CHODL: variants seen among roughly 807,000 people sequenced by gnomAD.
CHODL encodes transmembrane protein MT75.
CHODL carries 29 observed loss-of-function variants against 34.5 expected under a neutral mutation model. The ratio of observed to expected loss-of-function variants is 0.84; its 90% confidence interval spans 0.63 to 1.15. The LOEUF (loss-of-function observed/expected upper bound fraction) is 1.15. CHODL is among the 50% of genes most tolerant of loss of function. The pLI, the probability that CHODL is intolerant of heterozygous loss-of-function variation, is 0.00. For synonymous variants in CHODL, 125 were observed against 116.1 expected (o/e 1.08, Z -0.49); for missense variants, 332 against 332.5 (o/e 1.00, Z 0.01).
chr21:18,148,961 G>C (rs1013525031), intron 2 of CHODL, among the ~76,000 whole-genome samples: 1 of 151,032 alleles, frequency 6.6e-6, no homozygotes, highest in African/African-American at 2.4e-5. Flanking sequence ...TACCAGTTTG[G>C]CTGTTTTGCC....
chr21:17,950,230 A>T (rs570958423), intron 1 of CHODL, among the ~76,000 whole-genome samples: 3 of 152,220 alleles, frequency 2.0e-5, no homozygotes, highest in Admixed American at 2.0e-4. Flanking sequence ...AAGGAAAAGC[A>T]GACTTGTTAA....
At chr21:18,152,669 C>G (rs1345422520) in intron 2 of CHODL, among the ~76,000 whole-genome samples, 1 of 152,172 alleles carries the variant, frequency 6.6e-6, no homozygotes, top group Non-Finnish European at 1.5e-5. Flanking sequence ...AATCCAACTC[C>G]AGTTTGCTAA....
chr21:17,983,945 G>A (rs1568830017), intron 1 of CHODL, among the ~76,000 whole-genome samples: 1 of 152,008 alleles, frequency 6.6e-6, no homozygotes, highest in East Asian at 1.9e-4. Flanking sequence ...CTTAACAGGA[G>A]TTTTACCGTC....
intron 2 of CHODL, among the ~76,000 whole-genome samples, chr21:18,118,140 C>T (rs754487920): frequency 1.3e-5 from 2 of 152,116 alleles, no homozygotes; most frequent in Non-Finnish European, 2.9e-5. Context: ...TCAGATTTAA[C>T]TGGTTTTTTA....
chr21:18,094,415 C>A (rs1003205068), intron 2 of CHODL, among the ~76,000 whole-genome samples: 1 of 152,148 alleles, frequency 6.6e-6, no homozygotes, highest in African/African-American at 2.4e-5. Flanking sequence ...AATACACATT[C>A]TTCTCCTCAG....
chr21:18,079,470 C>CAT (rs915257826), intron 2 of CHODL, among the ~76,000 whole-genome samples: 10 of 147,190 alleles, frequency 6.8e-5, no homozygotes, highest in Non-Finnish European at 1.3e-4. Flanking sequence ...ATATATATCA[C>CAT]ATATATATAC....
rs1199197365 is a variant in CHODL, at chr21:18,245,007, G to A, written c.-217G>A. On this transcript the variant is annotated 5_prime_UTR_variant, in exon 1 of 6. Transcript: ENST00000299295. ...CCCAAACGCGCACCCTCGAAGTCTT[G>A]AACTCCAGCCCCGCACATCCACGCG... The A allele has an allele frequency of 6.4e-6, 3 of 467,930 alleles. No homozygotes were observed. Among genetic ancestry groups the A allele is most frequent in the Admixed American group, 8.9e-5 (2 of 22,412 alleles). The allele number at this position is 467,930 out of a possible 1,614,324, so 29.0% of individuals were successfully genotyped here. A position where few individuals can be genotyped will look rare whatever the true frequency, so the allele number is the denominator to read the frequency against.
chr21:18,224,999 CATTT>C (rs1568944292), intron 2 of CHODL, among the ~76,000 whole-genome samples: 1 of 151,924 alleles, frequency 6.6e-6, no homozygotes, highest in East Asian at 1.9e-4. Flanking sequence ...ATAGACTAGA[CATTT>C]ATAGAGAAGG....
chr21:18,171,198 G>GTTTTTTTTTTT lies in CHODL; in HGVS notation c.-44-85302_-44-85292dup, dbSNP rs1177005708. ...TGTTCTTCAGACATGGTTTTCTTTAGTTTTTTTTTTTTTTTTTTTGAGACG... is the reference window on the plus strand; with the variant it reads ...TGTTCTTCAGACATGGTTTTCTTTAGTTTTTTTTTTTTTTTTTTTTTTTTTTTTTTGAGACG... On this transcript the variant is annotated intron_variant, in intron 2 of 6. Coordinates refer to the CHODL transcript ENST00000400127. 4.6e-3 allele frequency among the ~76,000 whole-genome samples: 169 copies of GTTTTTTTTTTT among 36,972 alleles called. 57 individuals are homozygous for GTTTTTTTTTTT. The highest frequency in any genetic ancestry group is 9.1e-3 in the Admixed American group (14 of 1,542). 24.3% of individuals were successfully genotyped at this position (36,972 alleles called of 152,430 possible).
intron 2 of CHODL, among the ~76,000 whole-genome samples, chr21:18,155,724 G>C (rs573202751): frequency 4.1e-4 from 62 of 152,288 alleles, no homozygotes; most frequent in African/African-American, 1.3e-3. Context: ...ATCAGCATTA[G>C]AAAGGCAGTC....
At chr21:18,227,228 G>T (rs2073939056) in intron 2 of CHODL, among the ~76,000 whole-genome samples, 3 of 152,138 alleles carry the variant, frequency 2.0e-5, no homozygotes, top group African/African-American at 7.2e-5. Flanking sequence ...CCAAGATCTT[G>T]GGGGTTAGGA....
chr21:17,943,375 A>G (rs1018829671), intron 1 of CHODL, among the ~76,000 whole-genome samples: 8 of 152,210 alleles, frequency 5.3e-5, no homozygotes, highest in Non-Finnish European at 1.2e-4. Flanking sequence ...TTGCCTAAAA[A>G]GTTCCCACAG....
chr21:18,128,731 T>A (rs79484345), intron 2 of CHODL, among the ~76,000 whole-genome samples: 4,304 of 152,226 alleles, frequency 0.028, 136 homozygotes, highest in East Asian at 0.13. Flanking sequence ...CTTAATCTGT[T>A]TTTTTTCTCC....
chr21:18,037,585 T>TA, intron 2 of CHODL, among the ~76,000 whole-genome samples: 1 of 151,776 alleles, frequency 6.6e-6, no homozygotes, highest in African/African-American at 2.4e-5. Context: ...TAATGAGAAG[T>TA]GTTAAGTGTG....
intron 1 of CHODL, among the ~76,000 whole-genome samples, chr21:18,249,008 A>AATATATAAT (rs530058700): frequency 5.5e-4 from 60 of 108,916 alleles, no homozygotes; most frequent in African/African-American, 2.3e-3. Context: ...ATTTATATAT[A>AATATATAAT]ATATATATTA....
chr21:18,193,706 A>AAATAAAAT (rs1568931356), intron 2 of CHODL, among the ~76,000 whole-genome samples: 3 of 141,014 alleles, frequency 2.1e-5, no homozygotes, highest in African/African-American at 8.3e-5. Flanking sequence ...AGAAAAAAAA[A>AAATAAAAT]AAAATAAAAT....
intron 2 of CHODL, among the ~76,000 whole-genome samples, chr21:18,148,295 C>G (rs2072921984): frequency 6.6e-6 from 1 of 152,016 alleles, no homozygotes; most frequent in East Asian, 1.9e-4. Context: ...ATTAAAAATG[C>G]CATAAAACCA....
intron 2 of CHODL, among the ~76,000 whole-genome samples, chr21:18,113,429 G>A (rs988598072): frequency 6.6e-6 from 1 of 152,146 alleles, no homozygotes; most frequent in Non-Finnish European, 1.5e-5. Context: ...CTGAGATTGG[G>A]TGATTGATAA....
At chr21:18,017,000 G>A (rs1258969122) in intron 1 of CHODL, among the ~76,000 whole-genome samples, 6 of 152,264 alleles carry the variant, frequency 3.9e-5, no homozygotes, top group Non-Finnish European at 8.8e-5. Flanking sequence ...CTTAATGTCT[G>A]TATCCCCATT....
Sources: gnomAD v4.1 joint callset for allele counts (sites outside exome capture counted in the v4.1 genomes callset) on GRCh38, gnomAD v4.1.1 for gene constraint, MANE v1.5 for transcripts, NCBI Gene and HGNC (gene_info 2026-07-23, HGNC 2026-07-21) for gene names.